The following CTNND2 variants were observed in gnomAD, a reference collection of about 807,000 sequenced individuals.
CTNND2 encodes the protein catenin delta 2, also known as catenin delta-2.
Under a neutral mutation model 144.4 loss-of-function variants are expected in CTNND2, and 22 were observed. The observed-to-expected ratio is 0.15, with a 90% confidence interval of 0.11 to 0.22. The LOEUF (loss-of-function observed/expected upper bound fraction) is 0.22. Ranked by LOEUF, CTNND2 falls within the 10% of genes least tolerant of loss-of-function variation. The pLI is 1.00. For missense variants in CTNND2, 1,353 were observed against 1,618.8 expected (o/e 0.84, Z 2.82); for synonymous variants, 751 against 695.6 (o/e 1.08, Z -1.25).
At position 11,647,477 on chromosome 5, in the gene CTNND2, G is replaced by C. The variant is rs2727618; in HGVS notation, c.175-82421C>G. On this transcript the variant is annotated intron_variant, in intron 2 of 21. Coordinates refer to ENST00000304623, the MANE Select transcript of CTNND2 (RefSeq NM_001332.4). ...CCTGTCATCTCCACCAGTCACTCCAGCCACTGAAGGGTGGCTTCCATGCAA... is the reference window on the plus strand; with the variant it reads ...CCTGTCATCTCCACCAGTCACTCCACCCACTGAAGGGTGGCTTCCATGCAA... Among the ~76,000 whole-genome samples the C allele has an allele frequency of 7.2e-3, 1,098 of 151,906 alleles. 13 individuals are homozygous for C. Among genetic ancestry groups the C allele is most frequent in the African/African-American group, 0.025 (1,021 of 41,396 alleles).
At chr5:11,554,023 C>T (rs1299051315) in intron 3 of CTNND2, among the ~76,000 whole-genome samples, 4 of 152,046 alleles carry the variant, frequency 2.6e-5, no homozygotes, top group Non-Finnish European at 5.9e-5. Flanking sequence ...CTTTCTAAGG[C>T]CCTACATCAA....
chr5:11,892,708 C>A, intron 1 of CTNND2, among the ~76,000 whole-genome samples: 1 of 151,670 alleles, frequency 6.6e-6, no homozygotes, highest in East Asian at 1.9e-4. Flanking sequence ...AAAAACCTCA[C>A]ATAGCCACCA....
At chr5:11,484,984 C>T (rs1768659758) in intron 3 of CTNND2, among the ~76,000 whole-genome samples, 1 of 152,076 alleles carries the variant, frequency 6.6e-6, no homozygotes, top group East Asian at 1.9e-4. Context: ...ATATCATATA[C>T]TTAGGAAAGT....
chr5:11,408,866 A>C (rs973611768), intron 5 of CTNND2, among the ~76,000 whole-genome samples: 7 of 152,110 alleles, frequency 4.6e-5, no homozygotes, highest in African/African-American at 1.7e-4. Flanking sequence ...ACAGAAAAAA[A>C]TATCATCTAT....
chr5:11,700,251 G>A (rs1206917667), intron 2 of CTNND2, among the ~76,000 whole-genome samples: 2 of 151,956 alleles, frequency 1.3e-5, no homozygotes, highest in East Asian at 1.9e-4. Flanking sequence ...AAATTAGCTG[G>A]GCTTGGGGGC....
At chr5:11,599,551 A>C (rs952262264) in intron 2 of CTNND2, among the ~76,000 whole-genome samples, 1 of 152,128 alleles carries the variant, frequency 6.6e-6, no homozygotes, top group African/African-American at 2.4e-5. Context: ...TTCTTCTCAA[A>C]CATGACATCC....
chr5:11,848,326 A>T (rs557366320), intron 1 of CTNND2, among the ~76,000 whole-genome samples: 2 of 152,308 alleles, frequency 1.3e-5, no homozygotes, highest in African/African-American at 4.8e-5. Context: ...CAACTAGGCT[A>T]GAAGTCCTTA....
At chr5:11,580,695 A>T (rs1476352331) in intron 2 of CTNND2, among the ~76,000 whole-genome samples, 1 of 152,218 alleles carries the variant, frequency 6.6e-6, no homozygotes, top group Non-Finnish European at 1.5e-5. Context: ...TCAAACCCCA[A>T]TGCATACCAT....
At chr5:11,876,790 C>T (rs112247347) in intron 1 of CTNND2, among the ~76,000 whole-genome samples, 27 of 152,192 alleles carry the variant, frequency 1.8e-4, no homozygotes, top group African/African-American at 6.0e-4. Context: ...TTCTAAATTT[C>T]GTTATCTCAA....
intron 11 of CTNND2, among the ~76,000 whole-genome samples, chr5:11,176,822 AT>A (rs1342499149): frequency 1.3e-5 from 2 of 152,102 alleles, no homozygotes. Context: ...ATTCCAATCT[AT>A]CATGTCATTG....
At chr5:11,765,591 T>G (rs959882199) in intron 1 of CTNND2, among the ~76,000 whole-genome samples, 6 of 152,174 alleles carry the variant, frequency 3.9e-5, no homozygotes, top group Non-Finnish European at 7.3e-5. Context: ...AAGATCAGAT[T>G]TGAATATTTT....
chr5:11,377,848 T>C (rs1467907699), intron 7 of CTNND2, among the ~76,000 whole-genome samples: 3 of 152,124 alleles, frequency 2.0e-5, no homozygotes, highest in African/African-American at 7.2e-5. Flanking sequence ...AGAAATTGGA[T>C]AGGAAGGTAA....
chr5:11,564,914 C>T (rs748638213), intron 3 of CTNND2, 30 bp downstream of exon 3: 1 of 1,479,466 alleles, frequency 6.8e-7, no homozygotes, highest in Non-Finnish European at 9.4e-7. Flanking sequence ...CAACTCAAAG[C>T]ACAGACAATG....
chr5:11,823,775 T>G (rs1285117915), intron 1 of CTNND2, among the ~76,000 whole-genome samples: 2 of 152,092 alleles, frequency 1.3e-5, no homozygotes, highest in Non-Finnish European at 2.9e-5. Flanking sequence ...AATATGAATT[T>G]TATCCAGGGA....
At chr5:11,750,571 T>C (rs1012403068) in intron 1 of CTNND2, among the ~76,000 whole-genome samples, 5 of 151,918 alleles carry the variant, frequency 3.3e-5, no homozygotes, top group African/African-American at 9.7e-5. Context: ...TAAATTTCTC[T>C]TGAAAAACAA....
chr5:10,987,005 G>A (rs1738050243), intron 20 of CTNND2, among the ~76,000 whole-genome samples: 2 of 152,188 alleles, frequency 1.3e-5, no homozygotes, highest in African/African-American at 4.8e-5. Context: ...TCTGCACGGC[G>A]CCCTTTGCGC....
chr5:11,762,251 G>A (rs1169770706), intron 1 of CTNND2, among the ~76,000 whole-genome samples: 5 of 152,198 alleles, frequency 3.3e-5, no homozygotes, highest in East Asian at 1.9e-4. Flanking sequence ...GTAAGGACTC[G>A]TTGCCCAGAC....
chr5:11,738,496 C>A (rs1044088445), intron 1 of CTNND2, among the ~76,000 whole-genome samples: 1 of 152,198 alleles, frequency 6.6e-6, no homozygotes, highest in Non-Finnish European at 1.5e-5. Context: ...ATGCTAGAAT[C>A]TTAACTGCAT....
chr5:11,199,701 A>G, intron 10 of CTNND2, 40 bp from the exon 11 acceptor site: 1 of 1,487,750 alleles, frequency 6.7e-7, no homozygotes, highest in Non-Finnish European at 9.4e-7. Context: ...TTACAGTGTA[A>G]GGTTTCCCTA....
Sources: gnomAD v4.1 joint callset for allele counts (sites outside exome capture counted in the v4.1 genomes callset) on GRCh38, gnomAD v4.1.1 for gene constraint, MANE v1.5 for transcripts, NCBI Gene and HGNC (gene_info 2026-07-23, HGNC 2026-07-21) for gene names.